Variants in GALM observed in about 807,000 individuals in gnomAD.
GALM encodes aldose 1-epimerase.
A neutral mutation model predicts 37.4 loss-of-function variants in GALM; 43 were observed. The observed-to-expected ratio is 1.15, with a 90% CI of 0.90 to 1.48. The LOEUF is 1.48. Among genes scored for constraint, GALM ranks in the 40% most tolerant of loss-of-function variants. The pLI is 0.00. For synonymous variants in GALM, 199 were observed against 170.6 expected, an observed-to-expected ratio of 1.17 and a Z score of -1.30; for missense variants, 456 against 419.1, an observed-to-expected ratio of 1.09 and a Z score of -0.77.
Position 38,681,369 on chromosome 2 carries a change from A to G in GALM, c.435A>G (p.Lys145=), listed in dbSNP as rs756491471. ...DGEEGYPGEL[K]VWVTYTLDGG... is the part of the protein sequence containing the mutation. ...AAGAAGGCTACCCCGGAGAGTTAAA[A>G]GTCTGGGTGACATACACCCTGGATG... is the stretch of plus-strand genomic sequence containing the variant. Residue 145 remains lysine, a synonymous_variant, in exon 3 of 7, where the codon AAA becomes AAG. Transcript: ENST00000272252. 6.2e-7 allele frequency: 1 copy of G among 1,614,188 alleles called. No homozygotes were observed. Among genetic ancestry groups the G allele is most frequent in the Admixed American group, 1.7e-5 (1 of 60,024 alleles).
chr2:38,682,826 G>C (rs1665428205), intron 3 of GALM, among the ~76,000 whole-genome samples: 2 of 152,060 alleles, frequency 1.3e-5, no homozygotes, highest in South Asian at 4.2e-4. Flanking sequence ...AACCTGGAAG[G>C]CGGAGGTTGC....
intron 4 of GALM, among the ~76,000 whole-genome samples, chr2:38,694,878 C>G (rs1665765104): frequency 8.4e-6 from 1 of 119,400 alleles, no homozygotes. Flanking sequence ...GCCTGGGCAA[C>G]AGAGCAAGAC....
In GALM at chr2:38,710,019, A is replaced by T. The variant is rs577273974; in HGVS notation, c.635-19537A>T. ...CTCATGGAGACCAGACTCTAGCACC[A>T]CGTGCTCTTCCTGCTGCCCCAGTGT... On this transcript the variant is annotated intron_variant, in intron 4 of 6. Coordinates refer to ENST00000272252, the MANE Select transcript of GALM (RefSeq NM_138801.3). 2.0e-5 allele frequency among the ~76,000 whole-genome samples: 3 copies of T among 152,208 alleles called. No individual in the cohort carries two copies. The South Asian group carries it at 6.2e-4, about 31-fold the overall frequency.
At chr2:38,697,933 C>A (rs1365676236) in intron 4 of GALM, among the ~76,000 whole-genome samples, 16 of 151,646 alleles carry the variant, frequency 1.1e-4, no homozygotes, top group African/African-American at 2.9e-4. Flanking sequence ...TTCCTGTTGG[C>A]AATTTTGGGT....
At chr2:38,680,089 G>A (rs1453892919) in intron 2 of GALM, 2 of 451,660 alleles carry the variant, frequency 4.4e-6, no homozygotes, top group Non-Finnish European at 8.9e-6. Context: ...TGCGATCTCG[G>A]CTCACTGCAG....
chr2:38,701,442 AG>A (rs1467630249), intron 4 of GALM, among the ~76,000 whole-genome samples: 1 of 152,216 alleles, frequency 6.6e-6, no homozygotes, highest in African/African-American at 2.4e-5. Flanking sequence ...CTTTGAAAGT[AG>A]CATTAGTAAA....
intron 1 of GALM, among the ~76,000 whole-genome samples, chr2:38,675,545 G>T (rs930931934): frequency 0.014 from 838 of 58,856 alleles, 13 homozygotes; most frequent in African/African-American, 0.039. Flanking sequence ...TTTTTTTTTT[G>T]TGTGTGTGTG....
At position 38,729,562 on chromosome 2, in the gene GALM, T is replaced by C; in HGVS notation, c.641T>C (p.Val214Ala). The change falls in exon 5 of 7, where the codon GTT becomes GCT. Residue 214 changes from valine (V) to alanine (A), a missense_variant. Coordinates refer to ENST00000272252, the MANE Select transcript of GALM (RefSeq NM_138801.3). ...TTCTGTCTCTTCCCATCAGGAGAAG[T>C]TGCCCCAGTGCAAGGCACTGCATTC... ...VDETLIPTGE[V>A]APVQGTAFDL... 6.2e-7 allele frequency: 1 copy of C among 1,613,116 alleles called. No homozygotes were observed. Among genetic ancestry groups the C allele is most frequent in the South Asian group, 1.1e-5 (1 of 91,000 alleles).
chr2:38,710,490 A>C (rs1442313139), intron 4 of GALM, among the ~76,000 whole-genome samples: 1 of 152,188 alleles, frequency 6.6e-6, no homozygotes, highest in African/African-American at 2.4e-5. Flanking sequence ...CCTATGTAGC[A>C]GGCTTAAGGC....
chr2:38,734,027 C>T lies in GALM; in HGVS notation c.*462C>T, dbSNP rs1430668496. ...TCACCCTGCATGCTAGGAGATGGAC[C>T]TGTCTCTATACAGCAGTAGATGATT... On this transcript the variant is annotated 3_prime_UTR_variant, in exon 7 of 7. Transcript: ENST00000272252. The T allele has an allele frequency of 8.3e-6, 2 of 240,336 alleles. No homozygotes were observed. Among genetic ancestry groups the T allele is most frequent in the East Asian group, 1.8e-4 (2 of 10,944 alleles). The allele number at this position is 240,336 out of a possible 1,614,324, so 14.9% of individuals were successfully genotyped here.
chr2:38,676,405 C>T (rs1278886518), intron 2 of GALM, among the ~76,000 whole-genome samples: 1 of 152,102 alleles, frequency 6.6e-6, no homozygotes, highest in African/African-American at 2.4e-5. Context: ...AAGACATTGA[C>T]ATATATTATC....
At chr2:38,700,956 G>A (rs138061750) in intron 4 of GALM, among the ~76,000 whole-genome samples, 1 of 152,204 alleles carries the variant, frequency 6.6e-6, no homozygotes, top group East Asian at 1.9e-4. Flanking sequence ...ACTTCCAGAT[G>A]TGGGACTCCC....
At chr2:38,711,117 C>A (rs1195699277) in intron 4 of GALM, among the ~76,000 whole-genome samples, 1 of 150,810 alleles carries the variant, frequency 6.6e-6, no homozygotes, top group Non-Finnish European at 1.5e-5. Flanking sequence ...GATACCCATG[C>A]TGCAAAAAGT....
Position 38,667,429 on chromosome 2 carries a change from G to C in GALM, c.190+1078G>C, listed in dbSNP as rs192786726. On this transcript the variant is annotated intron_variant, in intron 1 of 6. Transcript: ENST00000272252. ...CTAAAAATACAAAAAAATTAGCTGAGCATGGTGGCACGTGCCTGTAATCCC... is the reference window on the plus strand; with the variant it reads ...CTAAAAATACAAAAAAATTAGCTGACCATGGTGGCACGTGCCTGTAATCCC... Among the ~76,000 whole-genome samples the C allele has an allele frequency of 2.1e-4, 32 of 151,276 alleles. 2 individuals carry two copies. Among genetic ancestry groups the C allele is most frequent in the Middle Eastern group, 3.4e-3 (1 of 294 alleles).
At chr2:38,723,062 C>T (rs1666416155) in intron 4 of GALM, among the ~76,000 whole-genome samples, 1 of 152,140 alleles carries the variant, frequency 6.6e-6, no homozygotes, top group South Asian at 2.1e-4. Flanking sequence ...GCCTCTCCTG[C>T]CTTCATTCAT....
chr2:38,712,663 C>G (rs1179398818), intron 4 of GALM, among the ~76,000 whole-genome samples: 2 of 152,160 alleles, frequency 1.3e-5, no homozygotes, highest in African/African-American at 2.4e-5. Context: ...GCTTCTGACT[C>G]CAGCAGTGCA....
chr2:38,710,099 C>A (rs1033721261), intron 4 of GALM, among the ~76,000 whole-genome samples: 1 of 152,218 alleles, frequency 6.6e-6, no homozygotes, highest in Non-Finnish European at 1.5e-5. Flanking sequence ...GGGGCTTCCT[C>A]AGATGATCTC....
chr2:38,715,393 G>GT (rs1375190954), intron 4 of GALM, among the ~76,000 whole-genome samples: 2 of 152,200 alleles, frequency 1.3e-5, no homozygotes, highest in Non-Finnish European at 2.9e-5. Flanking sequence ...AGTTAAACTG[G>GT]TAAGTAATTG....
At chr2:38,688,085 G>A (rs1315262169) in intron 3 of GALM, among the ~76,000 whole-genome samples, 1 of 151,730 alleles carries the variant, frequency 6.6e-6, no homozygotes, top group East Asian at 1.9e-4. Context: ...GGTGGCACAC[G>A]CTTGTAATCC....
Sources: allele counts gnomAD v4.1 joint callset (sites outside exome capture counted in the v4.1 genomes callset), GRCh38; gene constraint gnomAD v4.1.1; transcripts MANE v1.5; gene names NCBI Gene and HGNC (gene_info 2026-07-23, HGNC 2026-07-21).